KAZN: variants seen among roughly 807,000 people sequenced by gnomAD.
KAZN encodes kazrin, periplakin interacting protein.
A neutral mutation model predicts 87.4 loss-of-function variants in KAZN; 40 were observed. The ratio of observed to expected loss-of-function variants is 0.46; its 90% CI spans 0.36 to 0.60. The LOEUF (loss-of-function observed/expected upper bound fraction) is 0.60. KAZN is among the 20% of genes least tolerant of loss of function. The pLI is 0.00. For missense variants in KAZN, 898 were observed against 1,073.9 expected, an observed-to-expected ratio of 0.84 and a Z score of 2.29; for synonymous variants, 466 against 458.3, an observed-to-expected ratio of 1.02 and a Z score of -0.22.
chr1:14,586,781 C>T (rs1340467060), intron 2 of KAZN, among the ~76,000 whole-genome samples: 1 of 152,034 alleles, frequency 6.6e-6, no homozygotes, highest in African/African-American at 2.4e-5. Flanking sequence ...CTCAAGTGAT[C>T]CTCGTACCTT....
chr1:14,332,859 TA>T, intron 2 of KAZN, among the ~76,000 whole-genome samples: 1 of 134,980 alleles, frequency 7.4e-6, no homozygotes, highest in East Asian at 2.1e-4. Context: ...AAACTGAAAT[TA>T]AAAGGGTTTC....
At chr1:14,091,968 A>G (rs1257199297) in intron 1 of KAZN, among the ~76,000 whole-genome samples, 1 of 152,100 alleles carries the variant, frequency 6.6e-6, no homozygotes, top group Non-Finnish European at 1.5e-5. Context: ...ACACACTGTA[A>G]TTTTTATGAT....
intron 10 of KAZN, among the ~76,000 whole-genome samples, chr1:15,100,711 T>C (rs1303268877): frequency 6.6e-6 from 1 of 152,176 alleles, no homozygotes. Context: ...GAGAGAGGGT[T>C]TGTAATCAGT....
At chr1:14,086,985 T>C (rs1187266785) in intron 1 of KAZN, among the ~76,000 whole-genome samples, 1 of 152,190 alleles carries the variant, frequency 6.6e-6, no homozygotes, top group Non-Finnish European at 1.5e-5. Flanking sequence ...CTTTTTCTTT[T>C]TAAAAATTGT....
At chr1:14,365,467 T>C (rs1169326468) in intron 2 of KAZN, among the ~76,000 whole-genome samples, 1 of 151,970 alleles carries the variant, frequency 6.6e-6, no homozygotes, top group Non-Finnish European at 1.5e-5. Flanking sequence ...TCTGCAATGA[T>C]TCTATTTCCA....
chr1:14,368,767 T>C (rs899926957), intron 2 of KAZN, among the ~76,000 whole-genome samples: 1 of 152,290 alleles, frequency 6.6e-6, no homozygotes, highest in African/African-American at 2.4e-5. Flanking sequence ...ATTTTTATAG[T>C]GTCTAAAGCA....
chr1:14,265,279 A>G (rs17394838), intron 2 of KAZN, among the ~76,000 whole-genome samples: 32,619 of 152,076 alleles, frequency 0.21, 3,973 homozygotes, highest in Middle Eastern at 0.38. Flanking sequence ...GGGCTCAGAG[A>G]TGCTCATACT....
rs544905767 is a variant in KAZN at position 14,145,956 on chromosome 1, CCTTTTTTTT to C, written c.92-34474_92-34466del. ...GACAAAGTTTACCTGATTTACATTT[CCTTTTTTTT>C]CTTTATCTGAATTTATGGTATTCTA... is the stretch of plus-strand genomic sequence containing the variant. On this transcript the variant is annotated intron_variant, in intron 1 of 16. Transcript: ENST00000636203. Among the ~76,000 whole-genome samples, 1,125 of 152,160 alleles carry C rather than the reference CCTTTTTTTT, an allele frequency of 7.4e-3. 7 individuals carry two copies. Among genetic ancestry groups the C allele is most frequent in the Non-Finnish European group, 0.012 (832 of 68,020 alleles).
chr1:14,750,599 T>TAAA (rs60001331), intron 1 of KAZN, among the ~76,000 whole-genome samples: 41 of 144,416 alleles, frequency 2.8e-4, no homozygotes, highest in South Asian at 1.8e-3. Flanking sequence ...GTTTCTTTTC[T>TAAA]AAAAAAAAAA....
At chr1:14,429,378 G>A (rs940915105) in intron 2 of KAZN, among the ~76,000 whole-genome samples, 8 of 152,188 alleles carry the variant, frequency 5.3e-5, no homozygotes, top group African/African-American at 1.7e-4. Flanking sequence ...AAAATGGTCA[G>A]TCTTTTGAGT....
chr1:14,276,160 GGTGTGTGTGT>G (rs5772575), intron 2 of KAZN, among the ~76,000 whole-genome samples: 13,230 of 135,670 alleles, frequency 0.098, 652 homozygotes, highest in Middle Eastern at 0.17. Flanking sequence ...TCGCTATAAG[GGTGTGTGTGT>G]GTGTGTGTGT....
At chr1:14,270,639 A>G (rs1651842534) in intron 2 of KAZN, among the ~76,000 whole-genome samples, 1 of 152,204 alleles carries the variant, frequency 6.6e-6, no homozygotes, top group Non-Finnish European at 1.5e-5. Context: ...TATGTTAATT[A>G]ATATGAGTCC....
intron 2 of KAZN, among the ~76,000 whole-genome samples, chr1:14,243,247 C>T (rs965067269): frequency 2.0e-5 from 3 of 152,200 alleles, no homozygotes; most frequent in African/African-American, 7.2e-5. Context: ...AATTCGACCT[C>T]TCTCCTGTCA....
intron 1 of KAZN, among the ~76,000 whole-genome samples, chr1:14,011,881 G>T (rs907560298): frequency 6.6e-6 from 1 of 152,146 alleles, no homozygotes; most frequent in African/African-American, 2.4e-5. Context: ...ATGTTCTCAC[G>T]ATTACCTTGA....
intron 1 of KAZN, among the ~76,000 whole-genome samples, chr1:14,745,166 A>G (rs1363606044): frequency 1.3e-5 from 2 of 151,338 alleles, no homozygotes; most frequent in Non-Finnish European, 2.9e-5. Context: ...AGCACCCAGC[A>G]CCATCCCAGT....
rs3032757 is a variant in KAZN, at chr1:14,789,760, C to CAAAAAAAA, written c.227-170894_227-170887dup. Among the ~76,000 whole-genome samples, 40 of 46,248 alleles carry CAAAAAAAA rather than the reference C, an allele frequency of 8.6e-4. 5 individuals are homozygous for CAAAAAAAA. The highest frequency in any genetic ancestry group is 2.7e-3 in the African/African-American group (33 of 12,018). The allele number at this position is 46,248 out of a possible 152,430, so 30.3% of individuals were successfully genotyped here. A position where few individuals can be genotyped will look rare whatever the true frequency, so the allele number is the denominator to read the frequency against. On this transcript the variant is annotated intron_variant, in intron 1 of 14. Coordinates refer to ENST00000376030, the MANE Select transcript of KAZN (RefSeq NM_201628.3). ...GCAAGGACTCTAAGCTCCTCATTACCAAAAAAAAAAAAAAAAAAAAAAAAA... is the reference window on the plus strand; with the variant it reads ...GCAAGGACTCTAAGCTCCTCATTACCAAAAAAAAAAAAAAAAAAAAAAAAAAAAAAAAA...
intron 1 of KAZN, among the ~76,000 whole-genome samples, chr1:14,170,234 ACT>A (rs1355361787): frequency 6.6e-6 from 1 of 152,134 alleles, no homozygotes; most frequent in Non-Finnish European, 1.5e-5. Flanking sequence ...CACAAATGTA[ACT>A]CTGGTTCTCT....
intron 1 of KAZN, among the ~76,000 whole-genome samples, chr1:14,859,449 C>G (rs1412971413): frequency 6.6e-6 from 1 of 152,164 alleles, no homozygotes; most frequent in Non-Finnish European, 1.5e-5. Context: ...GGTCCAGGCT[C>G]TTAACCACTA....
intron 1 of KAZN, among the ~76,000 whole-genome samples, chr1:14,639,237 G>C (rs1206262158): frequency 1.3e-5 from 2 of 152,108 alleles, no homozygotes; most frequent in Admixed American, 6.5e-5. Context: ...GAGAAGGGGA[G>C]ACCTCCCATT....
Sources: gnomAD v4.1 joint callset for allele counts (sites outside exome capture counted in the v4.1 genomes callset) on GRCh38, gnomAD v4.1.1 for gene constraint, MANE v1.5 for transcripts, NCBI Gene and HGNC (gene_info 2026-07-23, HGNC 2026-07-21) for gene names.